JRK: variants seen among roughly 807,000 people sequenced by gnomAD.
JRK encodes Jrk helix-turn-helix protein.
For missense variants in JRK, 720 were observed against 509.2 expected, an observed-to-expected ratio of 1.41 and a Z score of -3.98; for synonymous variants, 303 against 218.1, an observed-to-expected ratio of 1.39 and a Z score of -3.43.
At position 142,664,130 on chromosome 8, in the gene JRK, G is replaced by C; in HGVS notation, c.*222C>G. On this transcript the variant is annotated 3_prime_UTR_variant, in exon 2 of 2. Coordinates refer to ENST00000612905, the MANE Select transcript of JRK (RefSeq NM_003724.4). ...CCTTCCAAAACATTTCCTCACTTTC[G>C]GATGACACGGCAAGTGATAAAATAA... is the stretch of plus-strand genomic sequence containing the variant. 1.5e-6 allele frequency: 2 copies of C among 1,321,630 alleles called. No homozygotes were observed. Among genetic ancestry groups the C allele is most frequent in the South Asian group, 2.6e-5 (1 of 39,036 alleles). The allele number at this position is 1,321,630 out of a possible 1,614,324, so 81.9% of individuals were successfully genotyped here.
the JRK span, among the ~76,000 whole-genome samples, chr8:142,649,887 C>T: frequency 1.6e-4 from 24 of 152,226 alleles, no homozygotes; most frequent in Non-Finnish European, 3.4e-4. Context: ...CCTCTAAACC[C>T]CAGAATGGTA....
In JRK at chr8:142,666,031, T is replaced by C; in HGVS notation, c.28A>G (p.Ser10Gly). The C allele has an allele frequency of 6.4e-7, 1 of 1,570,480 alleles. No individual in the cohort carries two copies. The highest frequency in any genetic ancestry group is 8.8e-7 in the Non-Finnish European group (1 of 1,141,482). ...ACCCTCTTCCGCTTCTCCCCTCTGC[T>C]CTTCCCGGCAGCCGGCTTGGAGGCC... The part of the protein sequence containing the change: MASKPAAGK[S>G]RGEKRKRVVL... Residue 10 changes from serine to glycine, a missense_variant, in exon 2 of 2, where the codon AGC becomes GGC. Ser to Gly is a moderately conservative substitution (Grantham distance 56). Coordinates refer to ENST00000612905, the MANE Select transcript of JRK (RefSeq NM_003724.4).
At chr8:142,645,732 T>C in the JRK span, among the ~76,000 whole-genome samples, 1 of 152,098 alleles carries the variant, frequency 6.6e-6, no homozygotes, top group African/African-American at 2.4e-5. Flanking sequence ...CACAGACCAT[T>C]CATGACATGC....
At chr8:142,645,393 T>G in the JRK span, among the ~76,000 whole-genome samples, 7 of 152,112 alleles carry the variant, frequency 4.6e-5, no homozygotes, top group Non-Finnish European at 4.4e-5. Context: ...AAATACACCC[T>G]CTTAGGCTGG....
At chr8:142,647,041 CTGG>C in the JRK span, among the ~76,000 whole-genome samples, 2 of 152,116 alleles carry the variant, frequency 1.3e-5, no homozygotes, top group Non-Finnish European at 2.9e-5. Context: ...CAGAAAAAGC[CTGG>C]TGGTGCTAAG....
At chr8:142,669,499 G>A (rs1554636903) in intron 1 of JRK, among the ~76,000 whole-genome samples, 3 of 152,164 alleles carry the variant, frequency 2.0e-5, no homozygotes, top group South Asian at 2.1e-4. Context: ...TAGAAATTCA[G>A]TCTGGGACAA....
intron 1 of JRK, 46 bp downstream of exon 1, chr8:142,669,886 C>G (rs1481757753): frequency 3.3e-5 from 5 of 152,672 alleles, no homozygotes; most frequent in African/African-American, 1.2e-4. Flanking sequence ...CGCACCCATC[C>G]GGCCCGGCCC....
Position 142,662,287 on chromosome 8 carries a change from G to A in JRK, c.*2065C>T. The A allele has an allele frequency of 1.0e-6, 1 of 985,720 alleles. No homozygotes were observed. The highest frequency in any genetic ancestry group is 1.2e-6 in the Non-Finnish European group (1 of 830,172). The allele number at this position is 985,720 out of a possible 1,614,324, so 61.1% of individuals were successfully genotyped here. A position where few individuals can be genotyped will look rare whatever the true frequency, so the allele number is the denominator to read the frequency against. The stretch of plus-strand genomic sequence containing the variant: ...GAGGACTCAGGAGAGCCAGCCAGGA[G>A]CTCGGCCAGCTGGCCTGCCCATGCC... On this transcript the variant is annotated 3_prime_UTR_variant, in exon 2 of 2. Coordinates refer to ENST00000612905, the MANE Select transcript of JRK (RefSeq NM_003724.4).
chr8:142,666,439 G>A lies in JRK; in HGVS notation c.-381C>T, dbSNP rs1587531493. On this transcript the variant is annotated 5_prime_UTR_variant, in exon 2 of 2. Transcript: ENST00000612905. ...GCTCCCCTCAAACTGACCAGGTTTG[G>A]GGTGGTAGAGGTTTTACCGCATAAG... 5.4e-6 allele frequency: 2 copies of A among 367,596 alleles called. No individual in the cohort carries two copies. The highest frequency in any genetic ancestry group is 1.1e-5 in the Non-Finnish European group (2 of 183,698). The allele number at this position is 367,596 out of a possible 1,614,324, so 22.8% of individuals were successfully genotyped here.
downstream of JRK, among the ~76,000 whole-genome samples, chr8:142,654,062 T>C (rs587678743): frequency 2.8e-4 from 42 of 152,306 alleles, no homozygotes; most frequent in African/African-American, 9.9e-4. Context: ...GTGGTGGGAC[T>C]GAGAGGCCTG....
intron 1 of JRK, among the ~76,000 whole-genome samples, chr8:142,667,207 GC>G (rs35763044): frequency 0.6 from 90,752 of 152,068 alleles, 28,390 homozygotes; most frequent in Admixed American, 0.69. Context: ...CTCCCTGACT[GC>G]CACACACTCA....
chr8:142,660,540 C>T lies in JRK; in HGVS notation c.*3812G>A. The T allele has an allele frequency of 1.4e-6, 1 of 700,296 alleles. No homozygotes were observed. Among genetic ancestry groups the T allele is most frequent in the South Asian group, 6.5e-5 (1 of 15,408 alleles). The allele number at this position is 700,296 out of a possible 1,614,324, so 43.4% of individuals were successfully genotyped here. On this transcript the variant is annotated 3_prime_UTR_variant, in exon 2 of 2. Transcript: ENST00000612905. ...TCGGCCTCCTGAGTAGCTGGGGTTA[C>T]AGGCACATGCCACCACACCTGGCTC...
chr8:142,655,166 C>T (rs1395371748), downstream of JRK, among the ~76,000 whole-genome samples: 1 of 152,192 alleles, frequency 6.6e-6, no homozygotes, highest in Non-Finnish European at 1.5e-5. Flanking sequence ...CCAGCAAGGG[C>T]TGCTCCAGGT....
chr8:142,656,743 G>A (rs1846760945), downstream of JRK, among the ~76,000 whole-genome samples: 1 of 152,192 alleles, frequency 6.6e-6, no homozygotes, highest in African/African-American at 2.4e-5. Context: ...CTTCTCCAGT[G>A]GCTCTGCCGT....
At position 142,669,197 on chromosome 8, in the gene JRK, T is replaced by C. The variant is rs1471050004; in HGVS notation, c.-463+735A>G. Among the ~76,000 whole-genome samples the C allele has an allele frequency of 5.0e-3, 282 of 56,824 alleles. 4 individuals are homozygous for C. Among genetic ancestry groups the C allele is most frequent in the African/African-American group, 0.024 (251 of 10,248 alleles). 37.3% of individuals were successfully genotyped at this position (56,824 alleles called of 152,430 possible). ...GTGTGTGTGTGTGTGTGTGTGTGTG[T>C]GTGCGTGTGTGTGTTGGGGGGTATG... is the stretch of plus-strand genomic sequence containing the variant. On this transcript the variant is annotated intron_variant, in intron 1 of 1. Coordinates refer to ENST00000612905, the MANE Select transcript of JRK (RefSeq NM_003724.4).
Position 142,663,358 on chromosome 8 carries a change from C to T in JRK, c.*994G>A. 5 of 985,450 alleles carry T rather than the reference C, an allele frequency of 5.1e-6. No individual in the cohort carries two copies. The highest frequency in any genetic ancestry group is 6.0e-6 in the Non-Finnish European group (5 of 829,936). The allele number at this position is 985,450 out of a possible 1,614,324, so 61.0% of individuals were successfully genotyped here. On this transcript the variant is annotated 3_prime_UTR_variant, in exon 2 of 2. Transcript: ENST00000612905. Reference sequence around the variant, plus strand: ...TGAAAACTGACCAGGACAGACAACTCCTCCCCAAAAGTATTACTAACGTGC... The same window carrying T: ...TGAAAACTGACCAGGACAGACAACTTCTCCCCAAAAGTATTACTAACGTGC...
chr8:142,649,090 C>T, the JRK span, among the ~76,000 whole-genome samples: 1 of 152,216 alleles, frequency 6.6e-6, no homozygotes, highest in Non-Finnish European at 1.5e-5. Context: ...TGCATGTACC[C>T]CCATTGTATC....
In JRK at chr8:142,664,781, G is replaced by A; in HGVS notation, c.1278C>T (p.Ser426=). 2 of 1,590,490 alleles carry A rather than the reference G, an allele frequency of 1.3e-6. No individual in the cohort carries two copies. Among genetic ancestry groups the A allele is most frequent in the South Asian group, 2.3e-5 (2 of 87,748 alleles). ...AHILELVKEG[S]SCPGQLRQRQ... is the part of the protein sequence containing the mutation. ...GCTGGCGAAGCTGGCCCGGGCAGGA[G>A]GAGCCTTCCTTCACAAGCTCCAGGA... is the stretch of plus-strand genomic sequence containing the variant. Residue 426 remains serine (S), a synonymous_variant, in exon 2 of 2, where the codon TCC becomes TCT. Transcript: ENST00000612905.
Position 142,664,725 on chromosome 8 carries a change from C to A in JRK, c.1334G>T (p.Arg445Met), listed in dbSNP as rs782146627. Residue 445 changes from arginine (R) to methionine (M), a missense_variant, in exon 2 of 2, where the codon AGG (arginine) becomes ATG (methionine). Coordinates refer to ENST00000612905, the MANE Select transcript of JRK (RefSeq NM_003724.4). ...RQAASWGVAG[R>M]EAEGGRPPAA... Reference sequence around the variant, plus strand: ...AGGGGGCCGTCCCCCTTCTGCCTCCCTTCCCGCTACCCCCCAGCTGGCGGC... The same window carrying A: ...AGGGGGCCGTCCCCCTTCTGCCTCCATTCCCGCTACCCCCCAGCTGGCGGC... 163 of 1,602,806 alleles carry A rather than the reference C, an allele frequency of 1.0e-4. No homozygotes were observed. The highest frequency in any genetic ancestry group is 1.6e-4 in the Middle Eastern group (1 of 6,078).
Sources: allele counts gnomAD v4.1 joint callset (sites outside exome capture counted in the v4.1 genomes callset), GRCh38; gene constraint gnomAD v4.1.1; transcripts MANE v1.5; gene names NCBI Gene and HGNC (gene_info 2026-07-23, HGNC 2026-07-21).